Variants in GALNT14 observed in about 807,000 individuals in gnomAD.
The protein encoded by GALNT14 is UDP-GalNAc:polypeptide N-acetylgalactosaminyltransferase 14.
In GALNT14, 60 loss-of-function variants were observed where a neutral mutation model predicts 77.5. The ratio of observed to expected loss-of-function variants is 0.77; its 90% confidence interval spans 0.63 to 0.96. The LOEUF (loss-of-function observed/expected upper bound fraction) is 0.96. Among genes scored for constraint, GALNT14 ranks in the 40% least tolerant of loss-of-function variants. The pLI, the probability that GALNT14 is intolerant of heterozygous loss-of-function variation, is 0.00. For missense variants in GALNT14, 710 were observed against 731.0 expected (o/e 0.97, Z 0.33); for synonymous variants, 280 against 281.7 (o/e 0.99, Z 0.06).
Position 31,137,960 on chromosome 2 carries a change from T to G in GALNT14, c.127A>C (p.Lys43Gln), listed in dbSNP as rs1343889852. ...CAGCGCGCCGGCAAGCCGCCTACCTTAGGGGTCTGCACTTCAGGTCCCGTC... is the reference window on the plus strand; with the variant it reads ...CAGCGCGCCGGCAAGCCGCCTACCTGAGGGGTCTGCACTTCAGGTCCCGTC... ...VPTGPEVQTP[K>Q]PSDADWDDLW... Residue 43 changes from lysine to glutamine, a missense_variant and splice_region_variant, in exon 1 of 15, where the codon AAG becomes CAG. Physicochemically the swap from Lys to Gln is moderately conservative, Grantham distance 53. Coordinates refer to ENST00000349752, the MANE Select transcript of GALNT14 (RefSeq NM_024572.4). 1 of 1,612,210 alleles carries G rather than the reference T, an allele frequency of 6.2e-7. No individual in the cohort carries two copies. The highest frequency in any genetic ancestry group is 1.7e-5 in the Admixed American group (1 of 59,874).
chr2:31,123,439 A>G (rs986259337), intron 1 of GALNT14, among the ~76,000 whole-genome samples: 5 of 152,226 alleles, frequency 3.3e-5, no homozygotes, highest in African/African-American at 9.6e-5. Context: ...CTGACTAAAT[A>G]AAAGTGGGTT....
In GALNT14 at chr2:31,116,788, T is replaced by C. The variant is rs1006140231; in HGVS notation, c.129+21170A>G. Among the ~76,000 whole-genome samples, 6 of 152,310 alleles carry C rather than the reference T, an allele frequency of 3.9e-5. 1 individual carries two copies. In the East Asian group the frequency reaches 1.2e-3, roughly 29 times the overall value. On this transcript the variant is annotated intron_variant, in intron 1 of 14. Transcript: ENST00000349752. ...GGCCAGGCGTGGTAGCTCACACCTA[T>C]AATTCCAGCACTTTGGGAGGCCGAG...
chr2:30,936,917 T>G (rs1245631529), intron 9 of GALNT14, among the ~76,000 whole-genome samples: 1 of 152,148 alleles, frequency 6.6e-6, no homozygotes, highest in Non-Finnish European at 1.5e-5. Context: ...GAGCAACTAG[T>G]GTCTGATGGG....
At chr2:31,093,186 T>C (rs1676840815) in intron 1 of GALNT14, among the ~76,000 whole-genome samples, 1 of 152,138 alleles carries the variant, frequency 6.6e-6, no homozygotes, top group South Asian at 2.1e-4. Context: ...GCTGGCTTAC[T>C]AGGAAAGAAG....
intron 9 of GALNT14, among the ~76,000 whole-genome samples, chr2:30,934,042 T>C (rs1458159817): frequency 1.3e-5 from 2 of 152,250 alleles, no homozygotes; most frequent in African/African-American, 4.8e-5. Flanking sequence ...TCTTCCCATC[T>C]TCTGCCACAC....
At position 30,932,138 on chromosome 2, in the gene GALNT14, G is replaced by A. The variant is rs968735687; in HGVS notation, c.988C>T (p.Arg330Ter). Residue 330 changes from arginine (R) to a stop codon, truncating the protein, a stop_gained, in exon 10 of 15, where the codon CGA becomes TGA. Transcript: ENST00000349752. LOFTEE classifies it high-confidence loss of function. ...GGSLEIVPCS[R>*]VGHVFRKKHP... ...TTCTTCCGGAAGACGTGCCCCACTC[G>A]GCTGCAGGGGACGATCTCTAGGCTG... 13 of 1,571,544 alleles carry A rather than the reference G, an allele frequency of 8.3e-6. No homozygotes were observed. Among genetic ancestry groups the A allele is most frequent in the Middle Eastern group, 1.7e-4 (1 of 5,958 alleles).
intron 1 of GALNT14, among the ~76,000 whole-genome samples, chr2:31,133,609 A>G (rs1198362168): frequency 6.6e-6 from 1 of 152,234 alleles, no homozygotes; most frequent in African/African-American, 2.4e-5. Context: ...ACTAAGCCCT[A>G]AACACCTGGA....
At chr2:31,042,081 T>C (rs116472952) in intron 1 of GALNT14, among the ~76,000 whole-genome samples, 16 of 152,284 alleles carry the variant, frequency 1.1e-4, no homozygotes, top group East Asian at 7.7e-4. Context: ...AGACGTGTTA[T>C]ATAAGTGTGC....
rs569899503 is a variant in GALNT14 at position 31,121,176 on chromosome 2, A to T, written c.129+16782T>A. ...TGCCTGTCCAAGGGCATTCTAAGTGACTTTGGCCATGGCCCTGCCAAGGCT... is the reference window on the plus strand; with the variant it reads ...TGCCTGTCCAAGGGCATTCTAAGTGTCTTTGGCCATGGCCCTGCCAAGGCT... On this transcript the variant is annotated intron_variant, in intron 1 of 14. Coordinates refer to ENST00000349752, the MANE Select transcript of GALNT14 (RefSeq NM_024572.4). 3.7e-4 allele frequency among the ~76,000 whole-genome samples: 56 copies of T among 152,320 alleles called. No homozygotes were observed. In the Middle Eastern group the frequency reaches 0.014, roughly 37 times the overall value.
intron 1 of GALNT14, among the ~76,000 whole-genome samples, chr2:31,080,801 A>C (rs976636671): frequency 6.6e-6 from 1 of 152,234 alleles, no homozygotes; most frequent in African/African-American, 2.4e-5. Flanking sequence ...CTATGTGAAT[A>C]GGGGAAATGC....
intron 2 of GALNT14, among the ~76,000 whole-genome samples, chr2:30,967,174 G>A (rs1230383280): frequency 6.6e-6 from 1 of 152,034 alleles, no homozygotes; most frequent in African/African-American, 2.4e-5. Flanking sequence ...TTTTTTCCTA[G>A]GCCTGGGGCT....
Position 30,910,991 on chromosome 2 carries a change from G to T in GALNT14, c.1569C>A (p.Phe523Leu), listed in dbSNP as rs770358878. 6.2e-7 allele frequency: 1 copy of T among 1,614,006 alleles called. No homozygotes were observed. The highest frequency in any genetic ancestry group is 8.5e-7 in the Non-Finnish European group (1 of 1,179,994). The change falls in exon 15 of 15, where the codon TTC becomes TTA. Residue 523 changes from phenylalanine to leucine, a missense_variant. Coordinates refer to ENST00000349752, the MANE Select transcript of GALNT14 (RefSeq NM_024572.4). ...CCTTGCCGTTCTCGGTGCCATCACC[G>T]AACATATCTGTATCGAGGCAGAGGT... is the stretch of plus-strand genomic sequence containing the variant. ...ASHLCLDTDMFGDGTENGKEI... is the reference protein window; with the variant it reads ...ASHLCLDTDMLGDGTENGKEI...
intron 11 of GALNT14, among the ~76,000 whole-genome samples, chr2:30,927,785 C>G (rs970980449): frequency 3.3e-5 from 5 of 152,138 alleles, no homozygotes; most frequent in African/African-American, 9.7e-5. Flanking sequence ...AGAACGCTAG[C>G]TAGGAGAGGC....
intron 13 of GALNT14, among the ~76,000 whole-genome samples, chr2:30,920,487 C>T (rs1664962817): frequency 6.6e-6 from 1 of 151,884 alleles, no homozygotes; most frequent in Admixed American, 6.6e-5. Context: ...GGCAAAGCAG[C>T]CATAAGAGGA....
chr2:30,980,685 GTC>G (rs747293541), intron 2 of GALNT14, among the ~76,000 whole-genome samples: 45 of 152,230 alleles, frequency 3.0e-4, no homozygotes, highest in African/African-American at 8.0e-4. Flanking sequence ...CGTTGCCTGG[GTC>G]TCAGCTTCCT....
chr2:31,078,877 C>A (rs1397029737), intron 1 of GALNT14: 3 of 1,282,052 alleles, frequency 2.3e-6, no homozygotes, highest in East Asian at 5.6e-5. Context: ...GAAAGTAGGG[C>A]AAAGCAGGGT....
intron 4 of GALNT14, 151 bp from the exon 5 acceptor site, chr2:30,956,128 T>C (rs369490634): frequency 4.0e-6 from 3 of 744,514 alleles, no homozygotes; most frequent in East Asian, 2.6e-5. Flanking sequence ...CCAGGGTGTT[T>C]CCAGGCTATG....
At chr2:31,061,531 C>T (rs985585520) in intron 1 of GALNT14, among the ~76,000 whole-genome samples, 1 of 152,106 alleles carries the variant, frequency 6.6e-6, no homozygotes, top group African/African-American at 2.4e-5. Context: ...CAAACAATGA[C>T]CATAAATTTC....
intron 2 of GALNT14, among the ~76,000 whole-genome samples, chr2:30,982,516 C>T (rs760957195): frequency 2.6e-5 from 4 of 152,190 alleles, no homozygotes; most frequent in South Asian, 2.1e-4. Flanking sequence ...CAAAATGTGG[C>T]TGAGTTTCAT....
Sources: allele counts gnomAD v4.1 joint callset (sites outside exome capture counted in the v4.1 genomes callset), GRCh38; gene constraint gnomAD v4.1.1; transcripts MANE v1.5; gene names NCBI Gene and HGNC (gene_info 2026-07-23, HGNC 2026-07-21).